The following NR3C2 variants were observed in gnomAD, a reference collection of about 807,000 sequenced individuals.
NR3C2 encodes mineralocorticoid receptor.
Under a neutral mutation model 86.4 loss-of-function variants are expected in NR3C2, and 15 were observed. The observed-to-expected ratio is 0.17, with a 90% confidence interval of 0.12 to 0.27. NR3C2 has a LOEUF of 0.27. Among genes scored for constraint, NR3C2 ranks in the 10% least tolerant of loss-of-function variants. The probability of loss-of-function intolerance (pLI) is 1.00; values close to 1 mark genes in which losing one functional copy is unlikely to be tolerated. For missense variants in NR3C2, 960 were observed against 1,195.6 expected, an observed-to-expected ratio of 0.80 and a Z score of 2.91; for synonymous variants, 458 against 450.5, an observed-to-expected ratio of 1.02 and a Z score of -0.21.
At chr4:148,188,842 CG>C (rs1179128202) in intron 4 of NR3C2, among the ~76,000 whole-genome samples, 1 of 151,636 alleles carries the variant, frequency 6.6e-6, no homozygotes, top group Non-Finnish European at 1.5e-5. Flanking sequence ...CAACTTTTCC[CG>C]ATTCAGTATC....
At chr4:148,364,107 A>C (rs1336018658) in intron 2 of NR3C2, among the ~76,000 whole-genome samples, 1 of 152,228 alleles carries the variant, frequency 6.6e-6, no homozygotes, top group Non-Finnish European at 1.5e-5. Flanking sequence ...TAAGCACCAT[A>C]GTATTTATGA....
At chr4:148,320,191 G>A (rs1455315281) in intron 2 of NR3C2, among the ~76,000 whole-genome samples, 10 of 76,964 alleles carry the variant, frequency 1.3e-4, no homozygotes, top group African/African-American at 4.8e-4. Context: ...ATTGATTTGC[G>A]TATATTGAAC....
Position 148,189,249 on chromosome 4 carries a change from G to A in NR3C2, c.2014+5497C>T, listed in dbSNP as rs118151072. 1.7e-3 allele frequency among the ~76,000 whole-genome samples: 259 copies of A among 152,194 alleles called. 6 individuals are homozygous for A. The East Asian group carries it at 0.048, about 28-fold the overall frequency. Reference sequence around the variant, plus strand: ...CAGCTGGGAGTTTTAATCAAAAAGCGATGCTGGATTTTGTCTAATGCATTT... The same window carrying A: ...CAGCTGGGAGTTTTAATCAAAAAGCAATGCTGGATTTTGTCTAATGCATTT... On this transcript the variant is annotated intron_variant, in intron 4 of 8. Coordinates refer to ENST00000358102, the MANE Select transcript of NR3C2 (RefSeq NM_000901.5).
At chr4:148,430,492 A>T (rs1749750492) in intron 2 of NR3C2, among the ~76,000 whole-genome samples, 1 of 152,168 alleles carries the variant, frequency 6.6e-6, no homozygotes, top group South Asian at 2.1e-4. Context: ...AACAACTCTC[A>T]TTTTAAAATA....
chr4:148,444,487 T>G (rs1462801660), upstream of NR3C2: 1 of 985,540 alleles, frequency 1.0e-6, no homozygotes, highest in African/African-American at 1.7e-5. Flanking sequence ...GGACCCCCTC[T>G]CGCCGCTGTC....
intron 2 of NR3C2, among the ~76,000 whole-genome samples, chr4:148,326,118 C>A (rs1743954018): frequency 6.6e-6 from 1 of 151,856 alleles, no homozygotes; most frequent in Non-Finnish European, 1.5e-5. Flanking sequence ...GGGCCGGGTG[C>A]AGTGGCTCAC....
At chr4:148,207,940 A>ATC (rs1293038108) in intron 3 of NR3C2, 4 of 152,126 alleles carry the variant, frequency 2.6e-5, no homozygotes, top group South Asian at 2.1e-4. Context: ...TTTGGATGTG[A>ATC]TCTCTCTCTC....
chr4:148,164,267 G>C (rs1734787001), intron 4 of NR3C2, among the ~76,000 whole-genome samples: 1 of 152,042 alleles, frequency 6.6e-6, no homozygotes, highest in Non-Finnish European at 1.5e-5. Context: ...AATTTTATCT[G>C]ACTAGATAGA....
At chr4:148,411,987 G>A (rs1474028143) in intron 2 of NR3C2, among the ~76,000 whole-genome samples, 3 of 152,138 alleles carry the variant, frequency 2.0e-5, no homozygotes, top group Admixed American at 2.0e-4. Flanking sequence ...AGGGTTTCCG[G>A]GTTGGTCAGA....
intron 2 of NR3C2, among the ~76,000 whole-genome samples, chr4:148,373,376 C>CT (rs1746510839): frequency 6.6e-6 from 1 of 152,040 alleles, no homozygotes; most frequent in Admixed American, 6.6e-5. Context: ...TGTATCATGC[C>CT]TTACATTCTT....
intron 2 of NR3C2, among the ~76,000 whole-genome samples, chr4:148,312,941 T>C (rs549054360): frequency 6.6e-6 from 1 of 152,160 alleles, no homozygotes. Flanking sequence ...GATTCACCTT[T>C]GAACTACTAG....
intron 2 of NR3C2, among the ~76,000 whole-genome samples, chr4:148,313,529 A>T (rs540882359): frequency 1.3e-5 from 2 of 152,196 alleles, no homozygotes; most frequent in Non-Finnish European, 2.9e-5. Flanking sequence ...AAATCTGAGG[A>T]CAATCCTATG....
chr4:148,244,521 T>C (rs1739225197), intron 3 of NR3C2, among the ~76,000 whole-genome samples: 1 of 152,116 alleles, frequency 6.6e-6, no homozygotes, highest in South Asian at 2.1e-4. Flanking sequence ...TACCTGCAAG[T>C]GTTTACTAGT....
intron 6 of NR3C2, among the ~76,000 whole-genome samples, chr4:148,144,807 G>T (rs1733789056): frequency 1.3e-5 from 2 of 152,182 alleles, no homozygotes; most frequent in Non-Finnish European, 2.9e-5. Context: ...GAGTGCTTCT[G>T]CCCTTTGCAG....
At chr4:148,129,567 AC>A (rs1419351624) in intron 6 of NR3C2, among the ~76,000 whole-genome samples, 1 of 152,176 alleles carries the variant, frequency 6.6e-6, no homozygotes, top group African/African-American at 2.4e-5. Context: ...AATCTCTACA[AC>A]CCATAATCCT....
At chr4:148,184,518 T>C (rs1294826223) in intron 4 of NR3C2, among the ~76,000 whole-genome samples, 10 of 152,038 alleles carry the variant, frequency 6.6e-5, no homozygotes, top group South Asian at 2.1e-4. Flanking sequence ...ATAGTAACCA[T>C]ATATTACAGC....
intron 2 of NR3C2, among the ~76,000 whole-genome samples, chr4:148,370,190 G>A (rs1168846267): frequency 7.9e-5 from 12 of 152,162 alleles, no homozygotes; most frequent in Admixed American, 5.9e-4. Flanking sequence ...TGCTTCCTAC[G>A]AAAGGAAACC....
chr4:148,188,660 C>T (rs768734465), intron 4 of NR3C2, among the ~76,000 whole-genome samples: 11 of 152,014 alleles, frequency 7.2e-5, no homozygotes, highest in African/African-American at 1.9e-4. Flanking sequence ...TCAAGGTCAA[C>T]GATCATATCA....
chr4:148,409,270 T>C (rs1261790326), intron 2 of NR3C2, among the ~76,000 whole-genome samples: 1 of 152,180 alleles, frequency 6.6e-6, no homozygotes, highest in Non-Finnish European at 1.5e-5. Context: ...GGTTTTATTG[T>C]CTTAATTATG....
Sources: gnomAD v4.1 joint callset for allele counts (sites outside exome capture counted in the v4.1 genomes callset) on GRCh38, gnomAD v4.1.1 for gene constraint, MANE v1.5 for transcripts, NCBI Gene and HGNC (gene_info 2026-07-23, HGNC 2026-07-21) for gene names.